DSCAML1: variants seen among roughly 807,000 people sequenced by gnomAD.
DSCAML1 encodes cell adhesion molecule DSCAML1.
Under a neutral mutation model 200.5 loss-of-function variants are expected in DSCAML1, and 38 were observed. That is an observed-to-expected ratio of 0.19 (90% CI 0.15 to 0.25). The LOEUF (loss-of-function observed/expected upper bound fraction) is 0.25. DSCAML1 is among the 10% of genes least tolerant of loss of function. The probability of loss-of-function intolerance (pLI) is 1.00; values close to 1 mark genes in which losing one functional copy is unlikely to be tolerated. For missense variants in DSCAML1, 2,223 were observed against 2,858.8 expected (o/e 0.78, Z 5.07); for synonymous variants, 1,215 against 1,165.0 (o/e 1.04, Z -0.87).
chr11:117,464,140 T>C lies in DSCAML1; in HGVS notation c.3265+802A>G, dbSNP rs186466457. Reference sequence around the variant, plus strand: ...TTGGTTTCGCTCTGTTGGGGCGGGGTGGGTAGGCTCTGACTCGGGGGGCTT... The same window carrying C: ...TTGGTTTCGCTCTGTTGGGGCGGGGCGGGTAGGCTCTGACTCGGGGGGCTT... On this transcript the variant is annotated intron_variant, in intron 17 of 32. Coordinates refer to ENST00000651296, the MANE Select transcript of DSCAML1 (RefSeq NM_020693.4). 2.6e-5 allele frequency among the ~76,000 whole-genome samples: 4 copies of C among 151,858 alleles called. No homozygotes were observed. The East Asian group carries it at 5.8e-4, about 22-fold the overall frequency.
chr11:117,449,634 C>A (rs191364356), intron 20 of DSCAML1, among the ~76,000 whole-genome samples: 1 of 152,202 alleles, frequency 6.6e-6, no homozygotes, highest in Non-Finnish European at 1.5e-5. Context: ...TCCTTGCTTC[C>A]GTTCCTTGCT....
At chr11:117,628,257 A>T (rs2052097221) in intron 3 of DSCAML1, among the ~76,000 whole-genome samples, 1 of 152,134 alleles carries the variant, frequency 6.6e-6, no homozygotes, top group Non-Finnish European at 1.5e-5. Context: ...GCAAGGATGG[A>T]GTGAATCCTC....
chr11:117,685,170 T>G (rs566290736), intron 3 of DSCAML1, among the ~76,000 whole-genome samples: 126 of 152,284 alleles, frequency 8.3e-4, no homozygotes, highest in African/African-American at 2.9e-3. Flanking sequence ...GGCGATAGAC[T>G]TGTGAGGGAA....
At chr11:117,810,241 CAA>C (rs1174050111) in intron 1 of DSCAML1, among the ~76,000 whole-genome samples, 37 of 151,034 alleles carry the variant, frequency 2.4e-4, no homozygotes, top group Middle Eastern at 3.4e-3. Context: ...TCCGTGGACC[CAA>C]AACTCCGTGG....
At chr11:117,628,311 A>C (rs7941794) in intron 3 of DSCAML1, among the ~76,000 whole-genome samples, 97,533 of 151,930 alleles carry the variant, frequency 0.64, 31,701 homozygotes, top group African/African-American at 0.68. Context: ...TCTGTTCAGG[A>C]AGCGCTTCCC....
At chr11:117,738,222 CTT>C (rs1176168674) in intron 3 of DSCAML1, among the ~76,000 whole-genome samples, 1 of 152,166 alleles carries the variant, frequency 6.6e-6, no homozygotes, top group Admixed American at 6.5e-5. Context: ...ACTCTGAACT[CTT>C]TTCTCACCTT....
chr11:117,524,662 T>TA (rs2049942241), intron 5 of DSCAML1, 143 bp downstream of exon 5: 2 of 1,055,714 alleles, frequency 1.9e-6, no homozygotes, highest in Middle Eastern at 3.1e-4. Flanking sequence ...TTTTCCAGGA[T>TA]ACCAGACTGC....
intron 3 of DSCAML1, among the ~76,000 whole-genome samples, chr11:117,670,456 C>T (rs2053081292): frequency 6.6e-6 from 1 of 152,024 alleles, no homozygotes; most frequent in South Asian, 2.1e-4. Context: ...TAGGCTGGAC[C>T]AGGGTGGGCC....
At chr11:117,493,503 A>G (rs2049229059) in intron 11 of DSCAML1, among the ~76,000 whole-genome samples, 1 of 150,262 alleles carries the variant, frequency 6.7e-6, no homozygotes, top group Non-Finnish European at 1.5e-5. Context: ...TTTAGTAGAG[A>G]TGGGGTTTCA....
intron 1 of DSCAML1, among the ~76,000 whole-genome samples, chr11:117,785,042 C>T (rs1233035409): frequency 1.3e-5 from 2 of 152,190 alleles, no homozygotes; most frequent in African/African-American, 2.4e-5. Context: ...CTTCAGTGTC[C>T]TCCTTCCCCA....
rs193250961 is a variant in DSCAML1, at chr11:117,455,623, T to C, written c.3568+3131A>G. ...AATTTATGTTTGCATTTTGTTCTTT[T>C]AAATTTATTTTGCTTTTTTCTAAAT... On this transcript the variant is annotated intron_variant, in intron 19 of 32. Transcript: ENST00000651296. 2.6e-3 allele frequency among the ~76,000 whole-genome samples: 401 copies of C among 152,362 alleles called. 1 individual carries two copies. Among genetic ancestry groups the C allele is most frequent in the African/African-American group, 9.3e-3 (386 of 41,580 alleles).
chr11:117,759,820 T>C (rs2054767946), intron 3 of DSCAML1, among the ~76,000 whole-genome samples: 1 of 152,194 alleles, frequency 6.6e-6, no homozygotes. Flanking sequence ...CAGGCCCTCA[T>C]TAAACTGGGA....
intron 3 of DSCAML1, among the ~76,000 whole-genome samples, chr11:117,683,814 C>A (rs555035099): frequency 6.8e-4 from 104 of 152,300 alleles, no homozygotes; most frequent in African/African-American, 2.4e-3. Context: ...AAACTCCTGG[C>A]TCATAGGCAG....
rs1276668458 is a variant in DSCAML1, at chr11:117,643,753, G to A, written c.512-111231C>T. 2.0e-5 allele frequency among the ~76,000 whole-genome samples: 3 copies of A among 151,962 alleles called. No homozygotes were observed. In the East Asian group the frequency reaches 5.8e-4, roughly 29 times the overall value. The stretch of plus-strand genomic sequence containing the variant: ...TGATCACCCAGGCACCATCCCTCTC[G>A]CCACCAGCACTTATACCGCCGTCAT... On this transcript the variant is annotated intron_variant, in intron 3 of 32. Transcript: ENST00000651296.
intron 21 of DSCAML1, among the ~76,000 whole-genome samples, chr11:117,440,219 G>A (rs1307230120): frequency 1.3e-5 from 2 of 152,204 alleles, no homozygotes; most frequent in African/African-American, 2.4e-5. Flanking sequence ...CACCATCCAA[G>A]AGGGAGACAG....
At chr11:117,724,359 G>A (rs1365640368) in intron 3 of DSCAML1, among the ~76,000 whole-genome samples, 1 of 152,158 alleles carries the variant, frequency 6.6e-6, no homozygotes, top group Non-Finnish European at 1.5e-5. Flanking sequence ...GACTGGAGCG[G>A]GAAAGAAGAA....
chr11:117,812,575 C>T lies in DSCAML1; in HGVS notation c.-250+4815G>A, dbSNP rs531269444. On this transcript the variant is annotated intron_variant, in intron 1 of 2. Coordinates refer to the DSCAML1 transcript ENST00000525836. The stretch of plus-strand genomic sequence containing the variant: ...GTCATCCCAGCCTCTCTTCGCTTCA[C>T]TTGGACTGACCCTGACACCCATCAG... Among the ~76,000 whole-genome samples, 169 of 152,152 alleles carry T rather than the reference C, an allele frequency of 1.1e-3. 3 individuals carry two copies. The South Asian group carries it at 0.033, about 30-fold the overall frequency.
intron 1 of DSCAML1, among the ~76,000 whole-genome samples, chr11:117,786,705 G>A (rs1389944435): frequency 1.3e-5 from 2 of 152,148 alleles, no homozygotes; most frequent in African/African-American, 4.8e-5. Flanking sequence ...AGGACAACCC[G>A]AGGGGACTGA....
chr11:117,756,273 A>T (rs561828111), intron 3 of DSCAML1, among the ~76,000 whole-genome samples: 6 of 152,202 alleles, frequency 3.9e-5, no homozygotes, highest in Non-Finnish European at 8.8e-5. Context: ...TGTGTTCCAC[A>T]TTATCTGGCC....
Sources: gnomAD v4.1 joint callset for allele counts (sites outside exome capture counted in the v4.1 genomes callset) on GRCh38, gnomAD v4.1.1 for gene constraint, MANE v1.5 for transcripts, NCBI Gene and HGNC (gene_info 2026-07-23, HGNC 2026-07-21) for gene names.